The following RALYL variants were observed in gnomAD, a reference collection of about 807,000 sequenced individuals.
RALYL encodes RNA-binding Raly-like protein.
Under a neutral mutation model 35.1 loss-of-function variants are expected in RALYL, and 29 were observed. The ratio of observed to expected loss-of-function variants is 0.83; its 90% CI spans 0.61 to 1.13. The LOEUF is 1.13. Among genes scored for constraint, RALYL ranks in the 50% most tolerant of loss-of-function variants. RALYL has a pLI of 0.00. For synonymous variants in RALYL, 120 were observed against 127.6 expected (o/e 0.94, Z 0.40); for missense variants, 359 against 360.4 (o/e 1.00, Z 0.03).
chr8:84,277,248 T>G (rs1014977607), intron 1 of RALYL, among the ~76,000 whole-genome samples: 7 of 152,156 alleles, frequency 4.6e-5, no homozygotes, highest in African/African-American at 1.7e-4. Flanking sequence ...AAAGGCACAT[T>G]GTGGCAGGCA....
At chr8:84,520,165 A>T (rs919609170) in intron 1 of RALYL, among the ~76,000 whole-genome samples, 4 of 152,234 alleles carry the variant, frequency 2.6e-5, no homozygotes, top group Middle Eastern at 3.2e-3. Context: ...TTTTCTATAT[A>T]ACTCAAAACT....
At chr8:84,790,165 C>A (rs892610608) in intron 3 of RALYL, among the ~76,000 whole-genome samples, 1 of 152,040 alleles carries the variant, frequency 6.6e-6, no homozygotes, top group Non-Finnish European at 1.5e-5. Flanking sequence ...AAGCTCCAGT[C>A]CTGGAATGTT....
intron 1 of RALYL, among the ~76,000 whole-genome samples, chr8:84,192,828 T>C (rs1287276071): frequency 1.4e-5 from 2 of 142,760 alleles, no homozygotes; most frequent in African/African-American, 5.3e-5. Flanking sequence ...ACTGCTGGAA[T>C]CACCGTGCCC....
chr8:84,429,215 T>G (rs2046879952), intron 1 of RALYL, among the ~76,000 whole-genome samples: 1 of 152,166 alleles, frequency 6.6e-6, no homozygotes, highest in African/African-American at 2.4e-5. Context: ...GAGCATTGCT[T>G]TTGTGAATAG....
intron 2 of RALYL, among the ~76,000 whole-genome samples, chr8:84,556,275 C>T (rs2061113011): frequency 6.6e-6 from 1 of 152,080 alleles, no homozygotes; most frequent in South Asian, 2.1e-4. Flanking sequence ...TGTATGAAGC[C>T]ACTGAAACTT....
intron 1 of RALYL, among the ~76,000 whole-genome samples, chr8:84,240,185 C>G (rs749547160): frequency 9.9e-5 from 15 of 152,168 alleles, no homozygotes; most frequent in Non-Finnish European, 1.5e-4. Flanking sequence ...AAACTTCCCA[C>G]AGTCTGTACA....
intron 2 of RALYL, among the ~76,000 whole-genome samples, chr8:84,648,646 T>G (rs913511622): frequency 4.6e-5 from 7 of 151,938 alleles, no homozygotes; most frequent in Admixed American, 4.6e-4. Context: ...ATTAAAATAT[T>G]TAAATGTATA....
intron 2 of RALYL, among the ~76,000 whole-genome samples, chr8:84,613,667 G>T (rs988718350): frequency 6.6e-6 from 1 of 151,350 alleles, no homozygotes; most frequent in African/African-American, 2.4e-5. Context: ...ATCACTTATA[G>T]AATCCTGTTG....
chr8:84,605,818 C>T (rs912627353), intron 2 of RALYL, among the ~76,000 whole-genome samples: 1 of 152,086 alleles, frequency 6.6e-6, no homozygotes, highest in Non-Finnish European at 1.5e-5. Flanking sequence ...AACACAACCC[C>T]GGATTCTGAC....
intron 4 of RALYL, among the ~76,000 whole-genome samples, chr8:84,842,831 C>A (rs180899661): frequency 1.2e-3 from 175 of 152,156 alleles, no homozygotes; most frequent in African/African-American, 4.0e-3. Context: ...AATCAATAAA[C>A]GTTATCCAGC....
chr8:84,705,937 A>C, intron 2 of RALYL: 1 of 1,514,084 alleles, frequency 6.6e-7, no homozygotes, highest in East Asian at 2.5e-5. Context: ...AGTGAGCAAC[A>C]GTCTTACTGC....
intron 3 of RALYL, among the ~76,000 whole-genome samples, chr8:84,799,642 G>A (rs1051526300): frequency 1.3e-5 from 2 of 152,184 alleles, no homozygotes; most frequent in African/African-American, 4.8e-5. Flanking sequence ...CCAAGTTAGG[G>A]AAAAACAAGG....
At chr8:84,539,850 A>ATG (rs2059881764) in intron 2 of RALYL, among the ~76,000 whole-genome samples, 10 of 11,124 alleles carry the variant, frequency 9.0e-4, no homozygotes, top group African/African-American at 1.5e-3. Flanking sequence ...ATATATATAT[A>ATG]TATGTATATA....
At chr8:84,731,412 G>A (rs188754496) in intron 2 of RALYL, among the ~76,000 whole-genome samples, 1 of 152,076 alleles carries the variant, frequency 6.6e-6, no homozygotes, top group African/African-American at 2.4e-5. Flanking sequence ...CCTCTATTTT[G>A]GGGTACAGAG....
chr8:84,710,325 G>T (rs554557175), intron 2 of RALYL, among the ~76,000 whole-genome samples: 1 of 151,934 alleles, frequency 6.6e-6, no homozygotes, highest in South Asian at 2.1e-4. Context: ...TTGAGACAGA[G>T]CCTCACTCTG....
At chr8:84,816,183 A>G (rs1182419957) in intron 4 of RALYL, among the ~76,000 whole-genome samples, 3 of 152,180 alleles carry the variant, frequency 2.0e-5, no homozygotes, top group Non-Finnish European at 2.9e-5. Context: ...AATGAGAAGG[A>G]ATCAAAGATC....
At chr8:84,505,455 C>A (rs1022284538) in intron 1 of RALYL, among the ~76,000 whole-genome samples, 2 of 151,602 alleles carry the variant, frequency 1.3e-5, no homozygotes, top group Non-Finnish European at 2.9e-5. Context: ...TATTTACCAA[C>A]AATAAATTGT....
At chr8:84,479,595 T>A (rs1309386528) in intron 1 of RALYL, among the ~76,000 whole-genome samples, 2 of 152,174 alleles carry the variant, frequency 1.3e-5, no homozygotes, top group Non-Finnish European at 2.9e-5. Flanking sequence ...GTGTCTTTGT[T>A]CTGGAAACTA....
chr8:84,664,368 G>T (rs560942775), intron 2 of RALYL, among the ~76,000 whole-genome samples: 42 of 143,752 alleles, frequency 2.9e-4, no homozygotes, highest in Non-Finnish European at 5.6e-4. Context: ...GTTCTGTGAA[G>T]AATATCAGTG....
Sources: gnomAD v4.1 joint callset for allele counts (sites outside exome capture counted in the v4.1 genomes callset) on GRCh38, gnomAD v4.1.1 for gene constraint, MANE v1.5 for transcripts, NCBI Gene and HGNC (gene_info 2026-07-23, HGNC 2026-07-21) for gene names.